The following HLA-DRB5 variants were observed in gnomAD, a reference collection of about 807,000 sequenced individuals.
HLA-DRB5 encodes the protein DR beta-5.
In HLA-DRB5, 11 loss-of-function variants were observed where a neutral mutation model predicts 22.4. That is an observed-to-expected ratio of 0.49 (90% CI 0.31 to 0.81). The LOEUF (loss-of-function observed/expected upper bound fraction) is 0.81. Ranked by LOEUF, HLA-DRB5 falls within the 40% of genes least tolerant of loss-of-function variation. The probability of loss-of-function intolerance (pLI) is 0.05; values close to 1 mark genes in which losing one functional copy is unlikely to be tolerated. For missense variants in HLA-DRB5, 106 were observed against 274.4 expected, an observed-to-expected ratio of 0.39 and a Z score of 4.34; for synonymous variants, 57 against 106.0, an observed-to-expected ratio of 0.54 and a Z score of 2.84.
chr6:32,521,569 C>T (rs1206529059), intron 2 of HLA-DRB5, among the ~76,000 whole-genome samples: 2 of 109,930 alleles, frequency 1.8e-5, no homozygotes, highest in African/African-American at 6.7e-5. Context: ...TCTAAGGACA[C>T]GAGACAACCA....
intron 1 of HLA-DRB5, among the ~76,000 whole-genome samples, chr6:32,524,102 C>T (rs72508447): frequency 0.37 from 16,004 of 43,554 alleles, 6,956 homozygotes; most frequent in Middle Eastern, 0.75. Flanking sequence ...TCTGAAAAAA[C>T]CTGTGTTGAA....
At chr6:32,524,459 A>G (rs369567578) in intron 1 of HLA-DRB5, among the ~76,000 whole-genome samples, 1 of 104,018 alleles carries the variant, frequency 9.6e-6, no homozygotes, top group South Asian at 3.2e-4. Context: ...ACTAGCAGGC[A>G]TCAAATTACC....
At chr6:32,519,149 C>A (rs76753104) in intron 3 of HLA-DRB5, among the ~76,000 whole-genome samples, 2,528 of 64,696 alleles carry the variant, frequency 0.039, 1 homozygote, top group African/African-American at 0.046. Context: ...AGGTTCAAAA[C>A]AGGGACAGCC....
chr6:32,523,094 AGAT>A (rs1769150689), intron 1 of HLA-DRB5, among the ~76,000 whole-genome samples: 1 of 73,668 alleles, frequency 1.4e-5, no homozygotes, highest in African/African-American at 5.2e-5. Flanking sequence ...TTAGGATCTG[AGAT>A]TTATGCTAAA....
At chr6:32,528,554 A>T (rs1409953110) in intron 1 of HLA-DRB5, among the ~76,000 whole-genome samples, 6 of 42,650 alleles carry the variant, frequency 1.4e-4, no homozygotes, top group East Asian at 1.2e-3. Context: ...CCTCCCGGTG[A>T]GAAATACAGG....
chr6:32,525,966 A>G (rs780762315), intron 1 of HLA-DRB5, among the ~76,000 whole-genome samples: 8,386 of 22,362 alleles, frequency 0.38, 2,871 homozygotes, highest in East Asian at 0.46. Flanking sequence ...GGGCCCTCTA[A>G]TATTTCCTTG....
intron 1 of HLA-DRB5, among the ~76,000 whole-genome samples, chr6:32,528,356 A>G (rs111648970): frequency 0.025 from 3,180 of 127,840 alleles, no homozygotes; most frequent in South Asian, 0.038. Flanking sequence ...GACCCTCTCT[A>G]TCTTACTCAA....
intron 1 of HLA-DRB5, 36 bp downstream of exon 1, chr6:32,530,089 C>T (rs977632252): frequency 8.3e-6 from 11 of 1,321,980 alleles, no homozygotes; most frequent in Non-Finnish European, 9.6e-6. Flanking sequence ...ATTTTCCCCA[C>T]CCCATAGTAG....
chr6:32,525,683 T>G (rs115791752), intron 1 of HLA-DRB5, among the ~76,000 whole-genome samples: 4 of 80,098 alleles, frequency 5.0e-5, no homozygotes, highest in Admixed American at 2.9e-4. Context: ...CTTATAACCT[T>G]TCAATTTTAG....
In HLA-DRB5 at chr6:32,530,264, C is replaced by T. The variant is rs113793658; in HGVS notation, c.-40G>A. Reference sequence around the variant, plus strand: ...CAGGACCAGGGGCCAGAGGAGCAGGCAAGTCTCACTCAGGGAGAACTATGA... The same window carrying T: ...CAGGACCAGGGGCCAGAGGAGCAGGTAAGTCTCACTCAGGGAGAACTATGA... On this transcript the variant is annotated 5_prime_UTR_variant, in exon 1 of 6. Coordinates refer to ENST00000374975, the MANE Select transcript of HLA-DRB5 (RefSeq NM_002125.4). 159,796 of 983,846 alleles carry T rather than the reference C, an allele frequency of 0.16. 30 individuals carry two copies. Among genetic ancestry groups the T allele is most frequent in the East Asian group, 0.21 (6,226 of 30,140 alleles). The allele number at this position is 983,846 out of a possible 1,614,324, so 60.9% of individuals were successfully genotyped here. A position where few individuals can be genotyped will look rare whatever the true frequency, so the allele number is the denominator to read the frequency against.
chr6:32,528,204 G>T (rs1038011396), intron 1 of HLA-DRB5, among the ~76,000 whole-genome samples: 1 of 37,438 alleles, frequency 2.7e-5, no homozygotes, highest in Non-Finnish European at 5.5e-5. Flanking sequence ...ATGAACTAAA[G>T]TAGGTGAATC....
intron 1 of HLA-DRB5, among the ~76,000 whole-genome samples, chr6:32,526,097 G>T (rs113816652): frequency 0.55 from 31,070 of 56,942 alleles, 9,583 homozygotes; most frequent in Middle Eastern, 0.75. Context: ...CCTGAAGCTC[G>T]CTACTCAAAA....
At chr6:32,524,489 A>C in intron 1 of HLA-DRB5, among the ~76,000 whole-genome samples, 1 of 97,298 alleles carries the variant, frequency 1.0e-5, no homozygotes, top group Non-Finnish European at 2.2e-5. Context: ...CAGAGATAGA[A>C]CTCTTGGTTT....
At chr6:32,522,931 A>C (rs115334001) in intron 1 of HLA-DRB5, among the ~76,000 whole-genome samples, 4,965 of 75,136 alleles carry the variant, frequency 0.066, 195 homozygotes, top group East Asian at 0.086. Context: ...TTTCAGGTTT[A>C]GGAAATACCA....
chr6:32,528,079 G>A (rs140924064), intron 1 of HLA-DRB5, among the ~76,000 whole-genome samples: 1,165 of 31,302 alleles, frequency 0.037, 52 homozygotes, highest in Admixed American at 0.044. Context: ...CCACACCAGG[G>A]CTTCCCCCCC....
chr6:32,528,661 G>A lies in HLA-DRB5; in HGVS notation c.100+1464C>T, dbSNP rs1462460156. On this transcript the variant is annotated intron_variant, in intron 1 of 5. Coordinates refer to ENST00000374975, the MANE Select transcript of HLA-DRB5 (RefSeq NM_002125.4). The stretch of plus-strand genomic sequence containing the variant: ...AAGAAATTTTTCATTGAGATTCATT[G>A]CCTGGGCAATGAATTCACCGTGCCT... Among the ~76,000 whole-genome samples the A allele has an allele frequency of 1.3e-4, 5 of 38,744 alleles. 2 individuals are homozygous for A. In the South Asian group the frequency reaches 2.9e-3, roughly 23 times the overall value. 25.4% of individuals were successfully genotyped at this position (38,744 alleles called of 152,430 possible). A position where few individuals can be genotyped will look rare whatever the true frequency, so the allele number is the denominator to read the frequency against.
intron 2 of HLA-DRB5, among the ~76,000 whole-genome samples, chr6:32,520,886 T>C (rs76312591): frequency 2.0e-4 from 15 of 73,914 alleles, no homozygotes; most frequent in East Asian, 1.3e-3. Flanking sequence ...TTAATAATCT[T>C]ACAGTACAAA....
intron 1 of HLA-DRB5, among the ~76,000 whole-genome samples, chr6:32,529,867 G>T (rs2071808): frequency 0.058 from 7,305 of 126,156 alleles, no homozygotes; most frequent in African/African-American, 0.079. Context: ...AGACCCTGAG[G>T]ACATGTGATG....
rs1769875544 is a variant in HLA-DRB5, at chr6:32,528,325, T to C, written c.100+1800A>G. ...GGGTTAGTGTCTGTCTCCTCCACTC[T>C]TGTGTAACCTTGAGAGTCGGGACCC... On this transcript the variant is annotated intron_variant, in intron 1 of 5. Coordinates refer to ENST00000374975, the MANE Select transcript of HLA-DRB5 (RefSeq NM_002125.4). Among the ~76,000 whole-genome samples the C allele has an allele frequency of 5.1e-5, 3 of 58,722 alleles. 1 individual carries two copies. In the South Asian group the frequency reaches 1.5e-3, roughly 30 times the overall value. The allele number at this position is 58,722 out of a possible 152,430, so 38.5% of individuals were successfully genotyped here.
Sources: allele counts gnomAD v4.1 joint callset (sites outside exome capture counted in the v4.1 genomes callset), GRCh38; gene constraint gnomAD v4.1.1; transcripts MANE v1.5; gene names NCBI Gene and HGNC (gene_info 2026-07-23, HGNC 2026-07-21).